The following PYGO1 variants were observed in gnomAD, a reference collection of about 807,000 sequenced individuals.
The protein encoded by PYGO1 is pygopus family PHD finger 1, also known as pygopus homolog 1.
PYGO1 carries 6 observed loss-of-function variants against 29.5 expected under a neutral mutation model. The ratio of observed to expected loss-of-function variants is 0.20; its 90% CI spans 0.11 to 0.40. PYGO1 has a LOEUF of 0.40. PYGO1 is among the 10% of genes least tolerant of loss of function. PYGO1 has a pLI of 1.00. For synonymous variants in PYGO1, 186 were observed against 180.5 expected, an observed-to-expected ratio of 1.03 and a Z score of -0.24; for missense variants, 515 against 514.9, an observed-to-expected ratio of 1.00 and a Z score of 0.00.
intron 1 of PYGO1, among the ~76,000 whole-genome samples, chr15:55,562,578 G>C (rs146685950): frequency 0.014 from 2,181 of 152,122 alleles, 49 homozygotes; most frequent in East Asian, 0.085. Context: ...GGCTGAGGCG[G>C]AAGAATCACT....
At chr15:55,571,744 G>A (rs575361434) in intron 1 of PYGO1, among the ~76,000 whole-genome samples, 8 of 152,102 alleles carry the variant, frequency 5.3e-5, no homozygotes, top group South Asian at 2.1e-4. Context: ...TATCAGCAGC[G>A]TGAAAATCAT....
At chr15:55,561,067 C>A (rs11634055) in intron 1 of PYGO1, among the ~76,000 whole-genome samples, 12 of 152,144 alleles carry the variant, frequency 7.9e-5, no homozygotes, top group Non-Finnish European at 1.8e-4. Context: ...GGAGGCATCA[C>A]ACTACCTAGC....
In PYGO1 at chr15:55,568,167, G is replaced by GT. The variant is rs577869121; in HGVS notation, c.50-19173dup. ...TTCAATGTGTAGACTGCTTTGAGCAGTGTGGCTATTTTAATGAGATTGATT... is the reference window on the plus strand; with the variant it reads ...TTCAATGTGTAGACTGCTTTGAGCAGTTGTGGCTATTTTAATGAGATTGATT... On this transcript the variant is annotated intron_variant, in intron 1 of 2. Coordinates refer to ENST00000563719, the MANE Select transcript of PYGO1 (RefSeq NM_001367806.1). Among the ~76,000 whole-genome samples, 170 of 152,292 alleles carry GT rather than the reference G, an allele frequency of 1.1e-3. 1 individual carries two copies. The highest frequency in any genetic ancestry group is 1.9e-3 in the Non-Finnish European group (131 of 68,022).
At position 55,546,207 on chromosome 15, in the gene PYGO1, C is replaced by A; in HGVS notation, c.1076G>T (p.Cys359Phe). The change falls in exon 3 of 3, where the codon TGT (cysteine) becomes TTT (phenylalanine). Residue 359 changes from cysteine (C) to phenylalanine (F), a missense_variant. By Grantham distance (205) the Cys-to-Phe change is radical. Transcript: ENST00000563719. Reference sequence around the variant, plus strand: ...AAACCATTTCTGACAAGAGGCCTCACATAAGATGGCATCCTGATCATCGTT... The same window carrying A: ...AAACCATTTCTGACAAGAGGCCTCAAATAAGATGGCATCCTGATCATCGTT... ...EVNDDQDAIL[C>F]EASCQKWFHR... The A allele has an allele frequency of 6.2e-7, 1 of 1,614,180 alleles. No individual in the cohort carries two copies. The highest frequency in any genetic ancestry group is 8.5e-7 in the Non-Finnish European group (1 of 1,180,016).
chr15:55,584,480 TA>T (rs2059038637), intron 1 of PYGO1, among the ~76,000 whole-genome samples: 1 of 152,140 alleles, frequency 6.6e-6, no homozygotes, highest in Non-Finnish European at 1.5e-5. Context: ...ATTTGTTGAA[TA>T]AATGAATGAA....
chr15:55,577,632 G>C (rs1338707250), intron 1 of PYGO1, among the ~76,000 whole-genome samples: 1 of 151,620 alleles, frequency 6.6e-6, no homozygotes, highest in African/African-American at 2.4e-5. Context: ...TGTATAGTCG[G>C]TGATTTTTAT....
chr15:55,547,127 C>A lies in PYGO1; in HGVS notation c.156G>T (p.Leu52Phe), dbSNP rs774086359. The change falls in exon 3 of 3, where the codon TTG (leucine) becomes TTT (phenylalanine). Residue 52 changes from leucine to phenylalanine, a missense_variant. Coordinates refer to ENST00000563719, the MANE Select transcript of PYGO1 (RefSeq NM_001367806.1). The part of the protein sequence containing the change: ...ANTQGPSFPP[L>F]SEYAPPPNPN... ...GATTCGGTGGTGGAGCATACTCAGA[C>A]AATGGAGGGAAAGAAGGTCCCTGAA... 21 of 1,598,262 alleles carry A rather than the reference C, an allele frequency of 1.3e-5. 1 individual carries two copies. The highest frequency in any genetic ancestry group is 1.5e-5 in the Non-Finnish European group (18 of 1,172,244).
intron 1 of PYGO1, among the ~76,000 whole-genome samples, chr15:55,583,365 T>A (rs954970701): frequency 5.3e-5 from 8 of 149,804 alleles, no homozygotes; most frequent in African/African-American, 1.8e-4. Context: ...TACGTTTAAG[T>A]CTTTTTCCAA....
chr15:55,586,188 T>A (rs1271646806), intron 1 of PYGO1, among the ~76,000 whole-genome samples: 3 of 152,198 alleles, frequency 2.0e-5, no homozygotes, highest in African/African-American at 7.2e-5. Flanking sequence ...AAATTTACCT[T>A]CCTACTTACT....
chr15:55,577,056 TC>T (rs1359542029), intron 1 of PYGO1, among the ~76,000 whole-genome samples: 1 of 151,892 alleles, frequency 6.6e-6, no homozygotes, highest in Non-Finnish European at 1.5e-5. Flanking sequence ...AAGGAAGAGT[TC>T]TGTTGAATTT....
At chr15:55,575,272 C>T (rs2058996629) in intron 1 of PYGO1, among the ~76,000 whole-genome samples, 1 of 152,160 alleles carries the variant, frequency 6.6e-6, no homozygotes, top group Non-Finnish European at 1.5e-5. Flanking sequence ...TGGGATAAAG[C>T]CCATGAACTT....
chr15:55,578,641 T>A (rs1404757014), intron 1 of PYGO1, among the ~76,000 whole-genome samples: 1 of 152,214 alleles, frequency 6.6e-6, no homozygotes, highest in Non-Finnish European at 1.5e-5. Context: ...TTATGGACCA[T>A]ATATATCTTT....
chr15:55,551,689 C>T (rs1320533197), intron 1 of PYGO1, among the ~76,000 whole-genome samples: 1 of 151,982 alleles, frequency 6.6e-6, no homozygotes, highest in African/African-American at 2.4e-5. Flanking sequence ...TGCCTGTGGT[C>T]CCAGCTACTC....
rs1231967730 is a variant in PYGO1, at chr15:55,579,204, A to C, written c.49+8631T>G. Among the ~76,000 whole-genome samples, 5 of 152,230 alleles carry C rather than the reference A, an allele frequency of 3.3e-5. No individual in the cohort carries two copies. The East Asian group carries it at 9.6e-4, about 29-fold the overall frequency. On this transcript the variant is annotated intron_variant, in intron 1 of 2. Coordinates refer to ENST00000563719, the MANE Select transcript of PYGO1 (RefSeq NM_001367806.1). The stretch of plus-strand genomic sequence containing the variant: ...GATTGCAGATTAATAATTTGCATGC[A>C]GTTTTTCTATAACACCATATACCCA...
chr15:55,558,495 T>A (rs987702729), intron 1 of PYGO1, among the ~76,000 whole-genome samples: 2 of 152,008 alleles, frequency 1.3e-5, no homozygotes, highest in Non-Finnish European at 2.9e-5. Context: ...GGAAAAAAAA[T>A]ACTTTAAAGT....
chr15:55,549,792 T>G (rs978559672), intron 1 of PYGO1, among the ~76,000 whole-genome samples: 2 of 152,184 alleles, frequency 1.3e-5, no homozygotes, highest in Admixed American at 1.3e-4. Context: ...TTTTCCAGCT[T>G]TAAGAAACAT....
At chr15:55,573,331 CAA>C (rs1436772699) in intron 1 of PYGO1, among the ~76,000 whole-genome samples, 4 of 151,418 alleles carry the variant, frequency 2.6e-5, no homozygotes, top group African/African-American at 9.7e-5. Flanking sequence ...AAAAGAGAGA[CAA>C]GAGATAGCAA....
rs886922134 is a variant in PYGO1, at chr15:55,551,024, G to T, written c.50-2029C>A. Among the ~76,000 whole-genome samples the T allele has an allele frequency of 5.3e-5, 8 of 152,250 alleles. 1 individual carries two copies. Among genetic ancestry groups the T allele is most frequent in the Admixed American group, 4.6e-4 (7 of 15,292 alleles). On this transcript the variant is annotated intron_variant, in intron 1 of 2. Coordinates refer to ENST00000563719, the MANE Select transcript of PYGO1 (RefSeq NM_001367806.1). ...CCCTCGCATGCACAGTTCACAATAG[G>T]GTTCACCCTCCTATGAGAATCTAAT...
At chr15:55,550,273 C>A (rs2058873213) in intron 1 of PYGO1, among the ~76,000 whole-genome samples, 1 of 152,174 alleles carries the variant, frequency 6.6e-6, no homozygotes, top group South Asian at 2.1e-4. Flanking sequence ...TTAGCTCCAA[C>A]CCCTCTTAGT....
Sources: allele counts gnomAD v4.1 joint callset (sites outside exome capture counted in the v4.1 genomes callset), GRCh38; gene constraint gnomAD v4.1.1; transcripts MANE v1.5; gene names NCBI Gene and HGNC (gene_info 2026-07-23, HGNC 2026-07-21).